The following GGNBP2 variants were observed in gnomAD, a reference collection of about 807,000 sequenced individuals.
The protein encoded by GGNBP2 is gametogenetin-binding protein 2.
A neutral mutation model predicts 85.9 loss-of-function variants in GGNBP2; 10 were observed. The ratio of observed to expected loss-of-function variants is 0.12; its 90% CI spans 0.07 to 0.20. GGNBP2 has a LOEUF of 0.20. Among genes scored for constraint, GGNBP2 ranks in the 10% least tolerant of loss-of-function variants. The pLI is 1.00. For missense variants in GGNBP2, 595 were observed against 857.8 expected (o/e 0.69, Z 3.83); for synonymous variants, 287 against 285.7 (o/e 1.00, Z -0.05).
intron 2 of GGNBP2, among the ~76,000 whole-genome samples, chr17:36,550,616 A>C (rs1303662368): frequency 6.6e-6 from 1 of 152,228 alleles, no homozygotes; most frequent in Non-Finnish European, 1.5e-5. Flanking sequence ...CGCTAAAAAC[A>C]GGTTTTTTTT....
At chr17:36,560,669 T>C in intron 4 of GGNBP2, 104 bp from the exon 5 acceptor site, 1 of 660,532 alleles carries the variant, frequency 1.5e-6, no homozygotes, top group Non-Finnish European at 2.5e-6. Flanking sequence ...AAGTGGTTTT[T>C]TTGTGTTTTG....
chr17:36,563,498 A>AT (rs533946739), intron 5 of GGNBP2, among the ~76,000 whole-genome samples: 85 of 150,998 alleles, frequency 5.6e-4, no homozygotes, highest in African/African-American at 1.8e-3. Context: ...ATATATGGAC[A>AT]TTTTTTTTCA....
chr17:36,549,647 CCTTA>C (rs1309660843), intron 2 of GGNBP2, among the ~76,000 whole-genome samples: 1 of 152,156 alleles, frequency 6.6e-6, no homozygotes. Context: ...AACTTTTTGT[CCTTA>C]TTTATTTCAC....
chr17:36,552,184 G>A (rs2074315717), intron 2 of GGNBP2, among the ~76,000 whole-genome samples: 1 of 152,164 alleles, frequency 6.6e-6, no homozygotes, highest in African/African-American at 2.4e-5. Flanking sequence ...ATTCTGTTGA[G>A]TTACATGGCT....
intron 5 of GGNBP2, among the ~76,000 whole-genome samples, chr17:36,565,051 G>T (rs1344489034): frequency 6.6e-6 from 1 of 152,142 alleles, no homozygotes; most frequent in Non-Finnish European, 1.5e-5. Context: ...TGGTAGAAAA[G>T]AAATTAGTAA....
At chr17:36,572,399 AAG>A (rs1036211038) in intron 6 of GGNBP2, among the ~76,000 whole-genome samples, 9 of 152,190 alleles carry the variant, frequency 5.9e-5, no homozygotes, top group African/African-American at 2.2e-4. Flanking sequence ...TATATTTTAA[AAG>A]AACACAAAAT....
chr17:36,550,959 G>A (rs2074302881), intron 2 of GGNBP2, among the ~76,000 whole-genome samples: 1 of 152,112 alleles, frequency 6.6e-6, no homozygotes, highest in Non-Finnish European at 1.5e-5. Flanking sequence ...ATAGTGATTG[G>A]CCAGAAAACA....
At chr17:36,558,699 G>A (rs2074387936) in intron 4 of GGNBP2, among the ~76,000 whole-genome samples, 1 of 151,306 alleles carries the variant, frequency 6.6e-6, no homozygotes, top group Non-Finnish European at 1.5e-5. Flanking sequence ...CAGGCGATCT[G>A]CCCGCCTTGG....
chr17:36,583,297 C>T (rs1481479277), intron 9 of GGNBP2, among the ~76,000 whole-genome samples: 1 of 152,022 alleles, frequency 6.6e-6, no homozygotes, highest in Non-Finnish European at 1.5e-5. Context: ...CGTGATCCGC[C>T]CGCCTCAGCC....
chr17:36,577,859 G>GT (rs2074607361), intron 6 of GGNBP2, 124 bp from the exon 7 acceptor site: 1 of 746,190 alleles, frequency 1.3e-6, no homozygotes, highest in African/African-American at 1.7e-5. Flanking sequence ...TTTTAAATGT[G>GT]TGTATGGAGG....
chr17:36,571,806 G>A (rs908813918), intron 6 of GGNBP2, among the ~76,000 whole-genome samples: 1 of 152,116 alleles, frequency 6.6e-6, no homozygotes, highest in Admixed American at 6.5e-5. Context: ...TTGCGCCACT[G>A]CACTGCAGCC....
At chr17:36,569,198 A>C (rs149201587) in intron 6 of GGNBP2, among the ~76,000 whole-genome samples, 91 of 152,228 alleles carry the variant, frequency 6.0e-4, no homozygotes, top group African/African-American at 1.7e-3. Context: ...GATCACCTTA[A>C]GTCAGGAGTT....
intron 6 of GGNBP2, chr17:36,577,150 T>C (rs1407123046): frequency 6.6e-6 from 1 of 152,222 alleles, no homozygotes; most frequent in Non-Finnish European, 1.5e-5. Flanking sequence ...TTTACTCTTA[T>C]TGTGAGCCTG....
chr17:36,561,581 T>C (rs2074417138), intron 5 of GGNBP2, among the ~76,000 whole-genome samples: 1 of 152,208 alleles, frequency 6.6e-6, no homozygotes, highest in African/African-American at 2.4e-5. Context: ...GTTATGACGA[T>C]ATTATGACAA....
At chr17:36,572,075 CAT>C (rs1194519849) in intron 6 of GGNBP2, among the ~76,000 whole-genome samples, 1 of 151,762 alleles carries the variant, frequency 6.6e-6, no homozygotes, top group Non-Finnish European at 1.5e-5. Context: ...TTAAAAAAGT[CAT>C]ATGCAATGCT....
At chr17:36,579,925 G>T (rs1274447967) in intron 8 of GGNBP2, among the ~76,000 whole-genome samples, 1 of 152,090 alleles carries the variant, frequency 6.6e-6, no homozygotes, top group African/African-American at 2.4e-5. Context: ...CAGGAGAGTT[G>T]CTTCAACCTG....
intron 4 of GGNBP2, among the ~76,000 whole-genome samples, chr17:36,560,484 T>C (rs554744199): frequency 2.0e-5 from 3 of 152,294 alleles, no homozygotes; most frequent in African/African-American, 7.2e-5. Flanking sequence ...CCCTTGGGCT[T>C]AAGTGATCCT....
At chr17:36,568,050 C>T (rs984943177) in intron 6 of GGNBP2, among the ~76,000 whole-genome samples, 3 of 151,682 alleles carry the variant, frequency 2.0e-5, no homozygotes, top group African/African-American at 7.3e-5. Flanking sequence ...CTCAGCGTCT[C>T]GAGTAGCTGG....
intron 6 of GGNBP2, among the ~76,000 whole-genome samples, chr17:36,574,103 G>A (rs532683544): frequency 4.2e-4 from 64 of 152,094 alleles, no homozygotes; most frequent in Non-Finnish European, 7.2e-4. Flanking sequence ...CTGTGCCAAC[G>A]TTTTTAAGTT....
Sources: allele counts gnomAD v4.1 joint callset (sites outside exome capture counted in the v4.1 genomes callset), GRCh38; gene constraint gnomAD v4.1.1; transcripts MANE v1.5; gene names NCBI Gene and HGNC (gene_info 2026-07-23, HGNC 2026-07-21).